ACP3: variants seen among roughly 807,000 people sequenced by gnomAD.
The protein encoded by ACP3 is acid phosphatase 3, also known as prostatic acid phosphatase.
ACP3 carries 38 observed loss-of-function variants against 45.6 expected under a neutral mutation model. That is an observed-to-expected ratio of 0.83 (90% CI 0.64 to 1.09). ACP3 has a LOEUF of 1.09. ACP3 is among the 50% of genes least tolerant of loss of function. The pLI is 0.00. For synonymous variants in ACP3, 162 were observed against 164.7 expected, an observed-to-expected ratio of 0.98 and a Z score of 0.13; for missense variants, 466 against 463.2, an observed-to-expected ratio of 1.01 and a Z score of -0.05.
chr3:132,365,090 A>G (rs1398790183), intron 10 of ACP3, among the ~76,000 whole-genome samples: 1 of 152,220 alleles, frequency 6.6e-6, no homozygotes, highest in Non-Finnish European at 1.5e-5. Context: ...GGGAACTTAT[A>G]AGTTCTAAGT....
At position 132,357,571 on chromosome 3, in the gene ACP3, A is replaced by G; in HGVS notation, c.*693A>G. 1 of 984,208 alleles carries G rather than the reference A, an allele frequency of 1.0e-6. No individual in the cohort carries two copies. The highest frequency in any genetic ancestry group is 1.2e-6 in the Non-Finnish European group (1 of 828,794). 61.0% of individuals were successfully genotyped at this position (984,208 alleles called of 1,614,324 possible). A position where few individuals can be genotyped will look rare whatever the true frequency, so the allele number is the denominator to read the frequency against. On this transcript the variant is annotated 3_prime_UTR_variant, in exon 10 of 10. Coordinates refer to ENST00000336375, the MANE Select transcript of ACP3 (RefSeq NM_001099.5). Reference sequence around the variant, plus strand: ...TTTAAAGAAACAAAAATCAAACTTTACAGAAAGATTTGATGTATGTAATAC... The same window carrying G: ...TTTAAAGAAACAAAAATCAAACTTTGCAGAAAGATTTGATGTATGTAATAC...
intron 5 of ACP3, among the ~76,000 whole-genome samples, chr3:132,340,559 T>C (rs1937542636): frequency 6.6e-6 from 1 of 152,184 alleles, no homozygotes; most frequent in South Asian, 2.1e-4. Context: ...TTCTCATTTA[T>C]ATATTGAATT....
Position 132,352,713 on chromosome 3 carries a change from T to C in ACP3, c.865-7T>C. 6.2e-7 allele frequency: 1 copy of C among 1,601,566 alleles called. No individual in the cohort carries two copies. Among genetic ancestry groups the C allele is most frequent in the South Asian group, 1.1e-5 (1 of 90,788 alleles). On this transcript the variant is annotated splice_region_variant and splice_polypyrimidine_tract_variant and intron_variant, in intron 8 of 9. Transcript: ENST00000336375. ...ACAGGCGATAAAATTGATTTCAATC[T>C]CTGTAGCATGACACTACTGTGAGTG...
At chr3:132,352,509 C>T (rs555474210) in intron 8 of ACP3, among the ~76,000 whole-genome samples, 1 of 152,150 alleles carries the variant, frequency 6.6e-6, no homozygotes, top group Admixed American at 6.5e-5. Flanking sequence ...ATTTCTTCAT[C>T]TTTTAAATGA....
chr3:132,341,688 C>T (rs974162516), intron 5 of ACP3, among the ~76,000 whole-genome samples: 29 of 152,166 alleles, frequency 1.9e-4, no homozygotes, highest in Admixed American at 5.9e-4. Context: ...GAATAATTTA[C>T]TCTTGAAAAG....
intron 5 of ACP3, among the ~76,000 whole-genome samples, chr3:132,339,475 G>A (rs1009007146): frequency 3.3e-5 from 5 of 152,128 alleles, no homozygotes; most frequent in African/African-American, 1.2e-4. Context: ...CCCCCAACCC[G>A]CCACCTCAGA....
chr3:132,348,240 A>G (rs1269449859), intron 7 of ACP3, among the ~76,000 whole-genome samples: 1 of 152,186 alleles, frequency 6.6e-6, no homozygotes, highest in African/African-American at 2.4e-5. Flanking sequence ...TAGTTTACGA[A>G]GATTTAATAA....
chr3:132,361,262 G>A (rs1289622974), downstream of ACP3, among the ~76,000 whole-genome samples: 5 of 152,146 alleles, frequency 3.3e-5, no homozygotes, highest in African/African-American at 4.8e-5. Context: ...CCTCAAAGAT[G>A]AGGCCATCTG....
chr3:132,360,285 C>G (rs367605125), downstream of ACP3, among the ~76,000 whole-genome samples: 4 of 145,148 alleles, frequency 2.8e-5, no homozygotes, highest in African/African-American at 1.0e-4. Flanking sequence ...TGACAAAAGG[C>G]TGTAACTGCC....
intron 1 of ACP3, among the ~76,000 whole-genome samples, chr3:132,325,071 AGGTAATAATT>A (rs1445420221): frequency 1.3e-5 from 2 of 152,240 alleles, no homozygotes; most frequent in Non-Finnish European, 2.9e-5. Flanking sequence ...CTGAGCACAG[AGGTAATAATT>A]GGTAGAGCAG....
At chr3:132,359,308 T>C (rs13073893), downstream of ACP3, among the ~76,000 whole-genome samples, 10,468 of 152,114 alleles carry the variant, frequency 0.069, 1,040 homozygotes, top group East Asian at 0.52. Flanking sequence ...GTCAGGAGAT[T>C]GAGACCATCC....
chr3:132,322,293 C>T (rs573557653), intron 1 of ACP3, among the ~76,000 whole-genome samples: 1 of 152,284 alleles, frequency 6.6e-6, no homozygotes, highest in South Asian at 2.1e-4. Flanking sequence ...GATTGCTTCA[C>T]GGGGAGTACA....
At chr3:132,361,083 T>C (rs1938032437), downstream of ACP3, among the ~76,000 whole-genome samples, 1 of 152,230 alleles carries the variant, frequency 6.6e-6, no homozygotes, top group Admixed American at 6.5e-5. Context: ...AACACATTTC[T>C]ATGTGCCAAC....
intron 1 of ACP3, among the ~76,000 whole-genome samples, chr3:132,325,173 A>G (rs1937275530): frequency 6.6e-6 from 1 of 152,216 alleles, no homozygotes; most frequent in Non-Finnish European, 1.5e-5. Flanking sequence ...TTGAAACTCC[A>G]AAAGCTCAAG....
chr3:132,347,722 G>A lies in ACP3; in HGVS notation c.782-2198G>A, dbSNP rs1040600398. Among the ~76,000 whole-genome samples, 11 of 151,994 alleles carry A rather than the reference G, an allele frequency of 7.2e-5. No homozygotes were observed. In the South Asian group the frequency reaches 8.3e-4, roughly 11 times the overall value. ...TAGTCTTGAACTCCTGGGCTCAAGC[G>A]ATCCTCCACCTTGGCCTCCCAAAGT... is the stretch of plus-strand genomic sequence containing the variant. On this transcript the variant is annotated intron_variant, in intron 7 of 9. Transcript: ENST00000336375.
At chr3:132,354,732 A>G (rs1482047468) in intron 9 of ACP3, among the ~76,000 whole-genome samples, 2 of 152,238 alleles carry the variant, frequency 1.3e-5, no homozygotes, top group African/African-American at 2.4e-5. Context: ...GTAGCTAAAA[A>G]TATTCTTAAA....
intron 4 of ACP3, among the ~76,000 whole-genome samples, chr3:132,337,125 T>C (rs1937505240): frequency 6.6e-6 from 1 of 150,822 alleles, no homozygotes; most frequent in African/African-American, 2.4e-5. Context: ...CTGCAAGAAA[T>C]GAAAGTGATT....
chr3:132,356,828 G>C lies in ACP3; in HGVS notation c.1111G>C (p.Glu371Gln). ...GPVIPQDWSTECMTTNSHQGT... is the reference protein window; with the variant it reads ...GPVIPQDWSTQCMTTNSHQGT... ...TGTGATCCCTCAAGACTGGTCCACGGAGTGTATGACCACAAACAGCCATCA... is the reference window on the plus strand; with the variant it reads ...TGTGATCCCTCAAGACTGGTCCACGCAGTGTATGACCACAAACAGCCATCA... The change falls in exon 10 of 10, where the codon GAG becomes CAG. Residue 371 changes from glutamate to glutamine, a missense_variant. By Grantham distance (29) the Glu-to-Gln change is conservative. Transcript: ENST00000336375. 1.2e-6 allele frequency: 2 copies of C among 1,614,160 alleles called. No individual in the cohort carries two copies. The highest frequency in any genetic ancestry group is 4.5e-5 in the East Asian group (2 of 44,876).
chr3:132,329,661 G>C (rs924679938), intron 2 of ACP3, among the ~76,000 whole-genome samples: 2 of 152,272 alleles, frequency 1.3e-5, no homozygotes, highest in Admixed American at 6.5e-5. Context: ...TAGGCTGCAG[G>C]ATCTGAGTTC....
Sources: gnomAD v4.1 joint callset for allele counts (sites outside exome capture counted in the v4.1 genomes callset) on GRCh38, gnomAD v4.1.1 for gene constraint, MANE v1.5 for transcripts, NCBI Gene and HGNC (gene_info 2026-07-23, HGNC 2026-07-21) for gene names.